The following TSBP1 variants were observed in gnomAD, a reference collection of about 807,000 sequenced individuals.
The protein encoded by TSBP1 is testis expressed basic protein 1.
Under a neutral mutation model 68.8 loss-of-function variants are expected in TSBP1, and 56 were observed. The observed-to-expected ratio is 0.81, with a 90% CI of 0.66 to 1.02. The LOEUF is 1.02. Among genes scored for constraint, TSBP1 ranks in the 50% least tolerant of loss-of-function variants. The pLI is 0.00. For synonymous variants in TSBP1, 171 were observed against 208.7 expected, an observed-to-expected ratio of 0.82 and a Z score of 1.56; for missense variants, 502 against 641.2, an observed-to-expected ratio of 0.78 and a Z score of 2.34.
Position 32,335,327 on chromosome 6 carries a change from C to T in TSBP1, c.472+110G>A. The T allele has an allele frequency of 3.0e-6, 3 of 992,858 alleles. No individual in the cohort carries two copies. Among genetic ancestry groups the T allele is most frequent in the African/African-American group, 1.7e-5 (1 of 58,086 alleles). 61.5% of individuals were successfully genotyped at this position (992,858 alleles called of 1,614,324 possible). A position where few individuals can be genotyped will look rare whatever the true frequency, so the allele number is the denominator to read the frequency against. On this transcript the variant is annotated intron_variant, in intron 14 of 22. Transcript: ENST00000612031. The surrounding 1 kb of genome is among the most constrained non-coding windows in gnomAD (Gnocchi z 5.5). ...AGTACTGGGTGAGATTATGAGGTGG[C>T]AGAAGGACTTGATCCTTGAGTCCTT... is the stretch of plus-strand genomic sequence containing the variant.
rs550660547 is a variant in TSBP1 at position 32,343,930 on chromosome 6, A to G, written c.350-4292T>C. On this transcript the variant is annotated intron_variant, in intron 9 of 22. Transcript: ENST00000612031. The surrounding 1 kb of genome is among the most constrained non-coding windows in gnomAD (Gnocchi z 4.3). The stretch of plus-strand genomic sequence containing the variant: ...ACTTGTAGAAGGTTTAATGATATTA[A>G]CTTTGATAGTAATTTGTACAAGCTA... Among the ~76,000 whole-genome samples the G allele has an allele frequency of 6.6e-6, 1 of 152,158 alleles. No individual in the cohort carries two copies. Among genetic ancestry groups the G allele is most frequent in the African/African-American group, 2.4e-5 (1 of 41,456 alleles).
chr6:32,303,009 G>A (rs1488211448), intron 19 of TSBP1, among the ~76,000 whole-genome samples: 2 of 152,150 alleles, frequency 1.3e-5, no homozygotes, highest in Non-Finnish European at 2.9e-5. Context: ...TTTCAAAGAT[G>A]GCCCTGGAAG....
chr6:32,322,022 C>T (rs186651772), intron 18 of TSBP1, among the ~76,000 whole-genome samples: 99 of 152,286 alleles, frequency 6.5e-4, no homozygotes, highest in African/African-American at 2.3e-3. Flanking sequence ...CATTTACTGA[C>T]CTGCCTGGGC....
Position 32,357,757 on chromosome 6 carries a change from A to C in TSBP1, c.218-2088T>G, listed in dbSNP as rs886631177. 1.3e-5 allele frequency among the ~76,000 whole-genome samples: 2 copies of C among 152,204 alleles called. No homozygotes were observed. Among genetic ancestry groups the C allele is most frequent in the Non-Finnish European group, 2.9e-5 (2 of 68,032 alleles). ...AAGGAGTTAAATATCATTCCAAGGT[A>C]GATAGTCTGAGCAATTAGGTGAATA... On this transcript the variant is annotated intron_variant, in intron 6 of 22. Transcript: ENST00000612031. This position sits in a 1 kb window ranked among gnomAD's most constrained non-coding sequence, Gnocchi z 4.7.
intron 14 of TSBP1, among the ~76,000 whole-genome samples, chr6:32,334,267 T>C (rs1026954897): frequency 1.3e-5 from 2 of 152,206 alleles, no homozygotes; most frequent in African/African-American, 4.8e-5. Flanking sequence ...TTGTTCTTTT[T>C]AAATTTTCTC....
intron 16 of TSBP1, 68 bp downstream of exon 17, chr6:32,330,521 G>C: frequency 1.4e-6 from 2 of 1,452,786 alleles, no homozygotes; most frequent in Non-Finnish European, 1.9e-6. Context: ...TTGAGACAGG[G>C]AACAGGCCCT....
rs1041221843 is a variant in TSBP1, at chr6:32,361,724, C to G, written c.217+4443G>C. On this transcript the variant is annotated intron_variant, in intron 6 of 22. Transcript: ENST00000612031. This position sits in a 1 kb window ranked among gnomAD's most constrained non-coding sequence, Gnocchi z 4.3. ...ACTAAGGTTCATGAACAGATATGAA[C>G]CTTAGTCCATTTTAAAATCAGCTTA... Among the ~76,000 whole-genome samples, 2 of 151,990 alleles carry G rather than the reference C, an allele frequency of 1.3e-5. No homozygotes were observed. The highest frequency in any genetic ancestry group is 2.9e-5 in the Non-Finnish European group (2 of 67,984).
rs189918679 is a variant in TSBP1 at position 32,361,270 on chromosome 6, G to T, written c.217+4897C>A. On this transcript the variant is annotated intron_variant, in intron 6 of 22. Coordinates refer to ENST00000612031, the Ensembl canonical transcript of TSBP1. The surrounding 1 kb of genome is among the most constrained non-coding windows in gnomAD (Gnocchi z 4.3). Reference sequence around the variant, plus strand: ...TATATGTGCCACATATTCTTAATCTGGTGTATCATTGATGGACTTTTGGGT... The same window carrying T: ...TATATGTGCCACATATTCTTAATCTTGTGTATCATTGATGGACTTTTGGGT... 1.4e-3 allele frequency among the ~76,000 whole-genome samples: 207 copies of T among 152,212 alleles called. No homozygotes were observed. Among genetic ancestry groups the T allele is most frequent in the African/African-American group, 4.8e-3 (200 of 41,518 alleles).
rs886335970 is a variant in TSBP1, at chr6:32,316,908, C to T, written c.560-1116G>A. Among the ~76,000 whole-genome samples, 6 of 152,040 alleles carry T rather than the reference C, an allele frequency of 3.9e-5. No homozygotes were observed. Among genetic ancestry groups the T allele is most frequent in the South Asian group, 2.1e-4 (1 of 4,820 alleles). ...GGTCAGGAGATCAAGACCATCCTGG[C>T]GAACACTGTGATGTTCTAAAAATAC... is the stretch of plus-strand genomic sequence containing the variant. On this transcript the variant is annotated intron_variant, in intron 18 of 22. Coordinates refer to ENST00000612031, the Ensembl canonical transcript of TSBP1. This position sits in a 1 kb window ranked among gnomAD's most constrained non-coding sequence, Gnocchi z 4.5.
chr6:32,338,765 G>A lies in TSBP1; in HGVS notation c.409+214C>T, dbSNP rs1164976655. On this transcript the variant is annotated intron_variant, in intron 11 of 22. Transcript: ENST00000612031. The surrounding 1 kb of genome is among the most constrained non-coding windows in gnomAD (Gnocchi z 5.5). ...TGTTCTTCACTCTTTTCCCTTTGCT[G>A]TTGAATCTCAAGATTTCGGAAAAGT... Among the ~76,000 whole-genome samples the A allele has an allele frequency of 6.6e-6, 1 of 151,962 alleles. No homozygotes were observed. The highest frequency in any genetic ancestry group is 1.9e-4 in the East Asian group (1 of 5,194).
intron 16 of TSBP1, 43 bp downstream of exon 17, chr6:32,330,546 A>G: frequency 6.3e-7 from 1 of 1,588,532 alleles, no homozygotes; most frequent in Non-Finnish European, 8.6e-7. Flanking sequence ...ACACTGTAGA[A>G]GATCAAGGAA....
intron 16 of TSBP1, among the ~76,000 whole-genome samples, chr6:32,328,299 G>A (rs1338830629): frequency 1.3e-5 from 2 of 152,006 alleles, no homozygotes; most frequent in Non-Finnish European, 2.9e-5. Flanking sequence ...CCAGGCTGAA[G>A]GGCAGTGACA....
At chr6:32,300,974 T>C (rs770656802) in intron 20 of TSBP1, among the ~76,000 whole-genome samples, 9 of 152,214 alleles carry the variant, frequency 5.9e-5, no homozygotes, top group Non-Finnish European at 1.0e-4. Context: ...ATAGGACATA[T>C]AATGGTCTTG....
In TSBP1 at chr6:32,321,205, A is replaced by T. The variant is rs1767598396; in HGVS notation, c.559+1912T>A. Among the ~76,000 whole-genome samples the T allele has an allele frequency of 6.6e-6, 1 of 152,162 alleles. No individual in the cohort carries two copies. Among genetic ancestry groups the T allele is most frequent in the South Asian group, 2.1e-4 (1 of 4,834 alleles). On this transcript the variant is annotated intron_variant, in intron 18 of 22. Coordinates refer to ENST00000612031, the Ensembl canonical transcript of TSBP1. The surrounding 1 kb of genome is among the most constrained non-coding windows in gnomAD (Gnocchi z 4.3). ...TATTCCTTTGAGTCTATACCCAGTA[A>T]TGGGATTGGCCAGCCAACACTTAGC...
rs1019718781 is a variant in TSBP1 at position 32,361,036 on chromosome 6, C to A, written c.217+5131G>T. Among the ~76,000 whole-genome samples, 4 of 152,066 alleles carry A rather than the reference C, an allele frequency of 2.6e-5. No homozygotes were observed. The highest frequency in any genetic ancestry group is 9.7e-5 in the African/African-American group (4 of 41,386). On this transcript the variant is annotated intron_variant, in intron 6 of 22. Transcript: ENST00000612031. The surrounding 1 kb of genome is among the most constrained non-coding windows in gnomAD (Gnocchi z 4.3). ...TAATGCTATCCCTCCCTGCTTCCCC[C>A]ACCCCGCAACAGGCCCCAGTGTGTG... is the stretch of plus-strand genomic sequence containing the variant.
At position 32,333,310 on chromosome 6, in the gene TSBP1, G is replaced by A. The variant is rs1769278444; in HGVS notation, c.473-1256C>T. ...CTGCACCCAGCCGAAAGCCTGTTAT[G>A]TTATTTAGCAACACTGCTTACATAA... On this transcript the variant is annotated intron_variant, in intron 14 of 22. Coordinates refer to ENST00000612031, the Ensembl canonical transcript of TSBP1. This position sits in a 1 kb window ranked among gnomAD's most constrained non-coding sequence, Gnocchi z 4.2. Among the ~76,000 whole-genome samples the A allele has an allele frequency of 6.6e-6, 1 of 152,000 alleles. No individual in the cohort carries two copies. Among genetic ancestry groups the A allele is most frequent in the South Asian group, 2.1e-4 (1 of 4,820 alleles).
Position 32,340,804 on chromosome 6 carries a change from CTT to C in TSBP1, c.350-1168_350-1167del, listed in dbSNP as rs9281742. Among the ~76,000 whole-genome samples, 1 of 147,912 alleles carries C rather than the reference CTT, an allele frequency of 6.8e-6. No homozygotes were observed. The highest frequency in any genetic ancestry group is 1.5e-5 in the Non-Finnish European group (1 of 66,872). ...AATGAGGAGAAAGGAATTTTTCTTT[CTT>C]TTTTTTTTTGAGACAATCTCTCTCT... On this transcript the variant is annotated intron_variant, in intron 9 of 22. Transcript: ENST00000612031. This position sits in a 1 kb window ranked among gnomAD's most constrained non-coding sequence, Gnocchi z 4.8.
chr6:32,301,557 A>C (rs1444755923), intron 20 of TSBP1, among the ~76,000 whole-genome samples: 2 of 151,752 alleles, frequency 1.3e-5, no homozygotes, highest in African/African-American at 4.8e-5. Flanking sequence ...CTCTGCAAAA[A>C]AAAAAAGAAA....
intron 19 of TSBP1, among the ~76,000 whole-genome samples, chr6:32,310,448 T>G (rs1766266481): frequency 6.6e-6 from 1 of 151,966 alleles, no homozygotes; most frequent in Non-Finnish European, 1.5e-5. Flanking sequence ...CCTCATTCTA[T>G]TTACAGCTCT....
Sources: gnomAD v4.1 joint callset for allele counts (sites outside exome capture counted in the v4.1 genomes callset) on GRCh38, gnomAD v4.1.1 for gene constraint, Gnocchi (gnomAD v3.1) non-coding constraint, MANE v1.5 for transcripts, NCBI Gene and HGNC (gene_info 2026-07-23, HGNC 2026-07-21) for gene names.